Variants in TRIM25 observed in about 807,000 individuals in gnomAD.
The protein encoded by TRIM25 is E3 ubiquitin/ISG15 ligase TRIM25.
Under a neutral mutation model 65.2 loss-of-function variants are expected in TRIM25, and 45 were observed. The ratio of observed to expected loss-of-function variants is 0.69; its 90% confidence interval spans 0.54 to 0.89. TRIM25 has a LOEUF of 0.89. Ranked by LOEUF, TRIM25 falls within the 40% of genes least tolerant of loss-of-function variation. TRIM25 has a pLI of 0.00. For synonymous variants in TRIM25, 321 were observed against 340.4 expected, an observed-to-expected ratio of 0.94 and a Z score of 0.63; for missense variants, 714 against 803.7, an observed-to-expected ratio of 0.89 and a Z score of 1.35.
chr17:56,896,200 T>C (rs1244513329), intron 5 of TRIM25, among the ~76,000 whole-genome samples: 1 of 152,214 alleles, frequency 6.6e-6, no homozygotes, highest in African/African-American at 2.4e-5. Flanking sequence ...ATTCTTTATC[T>C]TGATTTGAAC....
chr17:56,891,150 G>T lies in TRIM25; in HGVS notation c.*550C>A. On this transcript the variant is annotated 3_prime_UTR_variant, in exon 9 of 9. Transcript: ENST00000316881. ...TCTTTAGGAAACTGTTCTGGGTAGAGACTGCTGTGGGTGTTTCCTCAAGCA... is the reference window on the plus strand; with the variant it reads ...TCTTTAGGAAACTGTTCTGGGTAGATACTGCTGTGGGTGTTTCCTCAAGCA... 2.8e-6 allele frequency: 1 copy of T among 356,186 alleles called. No individual in the cohort carries two copies. Among genetic ancestry groups the T allele is most frequent in the East Asian group, 7.4e-5 (1 of 13,452 alleles). 22.1% of individuals were successfully genotyped at this position (356,186 alleles called of 1,614,324 possible).
chr17:56,907,108 T>A (rs919594786), intron 2 of TRIM25, among the ~76,000 whole-genome samples: 4 of 152,200 alleles, frequency 2.6e-5, no homozygotes, highest in Admixed American at 2.6e-4. Context: ...GTAACCCAGC[T>A]TCAACCAAAG....
intron 5 of TRIM25, among the ~76,000 whole-genome samples, chr17:56,898,361 A>G (rs1332387137): frequency 6.6e-6 from 1 of 152,098 alleles, no homozygotes; most frequent in Non-Finnish European, 1.5e-5. Context: ...TCAGTGGTAT[A>G]TGGCTCATAA....
In TRIM25 at chr17:56,890,728, G is replaced by A. The variant is rs578250437; in HGVS notation, c.*972C>T. ...CATATGTCACAATCCAGGGAAGAGA[G>A]GCTATCACCGAGAAGAGTTGTCAGT... On this transcript the variant is annotated 3_prime_UTR_variant, in exon 9 of 9. Coordinates refer to ENST00000316881, the MANE Select transcript of TRIM25 (RefSeq NM_005082.5). The A allele has an allele frequency of 6.6e-6, 3 of 456,604 alleles. No homozygotes were observed. Among genetic ancestry groups the A allele is most frequent in the African/African-American group, 6.0e-5 (3 of 50,144 alleles). 28.3% of individuals were successfully genotyped at this position (456,604 alleles called of 1,614,324 possible).
chr17:56,890,822 C>T lies in TRIM25; in HGVS notation c.*878G>A, dbSNP rs758811640. The T allele has an allele frequency of 6.6e-6, 3 of 456,564 alleles. No individual in the cohort carries two copies. The highest frequency in any genetic ancestry group is 1.5e-5 in the South Asian group (1 of 64,566). 28.3% of individuals were successfully genotyped at this position (456,564 alleles called of 1,614,324 possible). A position where few individuals can be genotyped will look rare whatever the true frequency, so the allele number is the denominator to read the frequency against. ...TGTTGATCCAGGGCAGCATCCCCCTCGCCTGGCAGAGTTCCTTGCCCCACA... is the reference window on the plus strand; with the variant it reads ...TGTTGATCCAGGGCAGCATCCCCCTTGCCTGGCAGAGTTCCTTGCCCCACA... On this transcript the variant is annotated 3_prime_UTR_variant, in exon 9 of 9. Coordinates refer to ENST00000316881, the MANE Select transcript of TRIM25 (RefSeq NM_005082.5).
chr17:56,910,788 CG>C (rs2144364332), intron 1 of TRIM25, among the ~76,000 whole-genome samples: 1 of 151,850 alleles, frequency 6.6e-6, no homozygotes, highest in East Asian at 1.9e-4. Context: ...GTCTCAAGTC[CG>C]ACCCCACCAG....
intron 1 of TRIM25, among the ~76,000 whole-genome samples, chr17:56,911,061 T>A (rs1442224963): frequency 6.6e-6 from 1 of 151,820 alleles, no homozygotes; most frequent in Non-Finnish European, 1.5e-5. Context: ...GGTTGGGAGT[T>A]CAAGACCAGC....
At chr17:56,901,642 C>CACCA in intron 3 of TRIM25, 64 bp from the exon 4 acceptor site, 1 of 1,595,964 alleles carries the variant, frequency 6.3e-7, no homozygotes, top group Non-Finnish European at 8.6e-7. Context: ...GCTCAGTCCT[C>CACCA]ACCAACCCCA....
intron 1 of TRIM25, among the ~76,000 whole-genome samples, chr17:56,911,681 A>G (rs1261547727): frequency 1.3e-5 from 2 of 152,036 alleles, no homozygotes; most frequent in Admixed American, 1.3e-4. Flanking sequence ...TGAGGCCAGG[A>G]GTTCAAGACC....
Position 56,895,713 on chromosome 17 carries a change from A to G in TRIM25, c.1181-109T>C. 4.6e-6 allele frequency: 6 copies of G among 1,290,832 alleles called. No individual in the cohort carries two copies. The South Asian group carries it at 8.7e-5, about 19-fold the overall frequency. The allele number at this position is 1,290,832 out of a possible 1,614,324, so 80.0% of individuals were successfully genotyped here. A position where few individuals can be genotyped will look rare whatever the true frequency, so the allele number is the denominator to read the frequency against. On this transcript the variant is annotated intron_variant, in intron 6 of 8. Coordinates refer to ENST00000316881, the MANE Select transcript of TRIM25 (RefSeq NM_005082.5). The stretch of plus-strand genomic sequence containing the variant: ...AAACACACGCCTGAACAGCAGGACA[A>G]CACAGGGGAAAACAGACAAGGCTAA...
At chr17:56,899,994 A>C (rs2144354703) in intron 4 of TRIM25, among the ~76,000 whole-genome samples, 1 of 152,318 alleles carries the variant, frequency 6.6e-6, no homozygotes, top group East Asian at 1.9e-4. Flanking sequence ...CAGGCAGATT[A>C]CTTGAGGTCG....
chr17:56,913,750 T>C lies in TRIM25; in HGVS notation c.239A>G (p.Asp80Gly). 4.5e-6 allele frequency: 7 copies of C among 1,547,788 alleles called. No homozygotes were observed. The highest frequency in any genetic ancestry group is 6.1e-6 in the Non-Finnish European group (7 of 1,145,930). ...GTCGGCGGGTGGCTCCCGGGCCAGG[T>C]CGGCCTGCAGGAACTGCTCCACCAC... Reference protein sequence around the residue: ...CNVVEQFLQADLAREPPADVW... With the variant: ...CNVVEQFLQAGLAREPPADVW... Residue 80 changes from aspartate to glycine, a missense_variant, in exon 1 of 9, where the codon GAC becomes GGC. Physicochemically the swap from Asp to Gly is moderately conservative, Grantham distance 94. Transcript: ENST00000316881. The surrounding 1 kb of genome is among the most constrained non-coding windows in gnomAD (Gnocchi z 6.1).
chr17:56,899,011 TCCAGGCCCCACAGTGACTCGGGATGGGC>T, intron 5 of TRIM25, 76 bp downstream of exon 5: 1 of 1,350,002 alleles, frequency 7.4e-7, no homozygotes, highest in Non-Finnish European at 1.0e-6. Context: ...CCCACTGAGG[TCCAGGCCCCACAGTGACTCGGGATGGGC>T]CGGAAGTGAC....
chr17:56,897,887 C>T (rs1391534277), intron 5 of TRIM25, among the ~76,000 whole-genome samples: 3 of 152,194 alleles, frequency 2.0e-5, no homozygotes, highest in African/African-American at 7.2e-5. Flanking sequence ...CAGCTAAGGG[C>T]TCCCTCCTCC....
At chr17:56,898,203 C>A (rs547173371) in intron 5 of TRIM25, among the ~76,000 whole-genome samples, 1 of 151,890 alleles carries the variant, frequency 6.6e-6, no homozygotes, top group Non-Finnish European at 1.5e-5. Context: ...AACATGTCAG[C>A]GGTATATGGA....
chr17:56,902,766 C>T (rs1200301756), intron 3 of TRIM25, among the ~76,000 whole-genome samples: 1 of 152,210 alleles, frequency 6.6e-6, no homozygotes, highest in Non-Finnish European at 1.5e-5. Context: ...TGTTTGTCCC[C>T]TCCAAATCTC....
chr17:56,902,794 C>T (rs962410754), intron 3 of TRIM25, among the ~76,000 whole-genome samples: 1 of 152,194 alleles, frequency 6.6e-6, no homozygotes, highest in Non-Finnish European at 1.5e-5. Context: ...AATGTGATTC[C>T]CAGTGTTGGA....
chr17:56,892,624 T>C (rs560462244), intron 8 of TRIM25, among the ~76,000 whole-genome samples: 1 of 152,310 alleles, frequency 6.6e-6, no homozygotes, highest in South Asian at 2.1e-4. Context: ...CACCCATCTA[T>C]CCACCCATCC....
Position 56,889,917 on chromosome 17 carries a change from C to A in TRIM25, c.*1783G>T. On this transcript the variant is annotated 3_prime_UTR_variant, in exon 9 of 9. Transcript: ENST00000316881. ...CACATATCACCTATTGCAGGGATGT[C>A]TTTCCTACAAAGATTATTGCTCTCC... 1 of 398,778 alleles carries A rather than the reference C, an allele frequency of 2.5e-6. No homozygotes were observed. The highest frequency in any genetic ancestry group is 1.3e-4 in the South Asian group (1 of 7,780). The allele number at this position is 398,778 out of a possible 1,614,324, so 24.7% of individuals were successfully genotyped here.
Sources: gnomAD v4.1 joint callset for allele counts (sites outside exome capture counted in the v4.1 genomes callset) on GRCh38, gnomAD v4.1.1 for gene constraint, Gnocchi (gnomAD v3.1) non-coding constraint, MANE v1.5 for transcripts, NCBI Gene and HGNC (gene_info 2026-07-23, HGNC 2026-07-21) for gene names.